The following THEM5 variants were observed in gnomAD, a reference collection of about 807,000 sequenced individuals.
The protein encoded by THEM5 is thioesterase superfamily member 5.
In THEM5, 28 loss-of-function variants were observed where a neutral mutation model predicts 24.2. That is an observed-to-expected ratio of 1.16 (90% CI 0.86 to 1.59). THEM5 has a LOEUF of 1.59. Ranked by LOEUF, THEM5 falls within the 40% of genes most tolerant of loss-of-function variation. THEM5 has a pLI of 0.00. For missense variants in THEM5, 260 were observed against 296.8 expected, an observed-to-expected ratio of 0.88 and a Z score of 0.91; for synonymous variants, 87 against 114.5, an observed-to-expected ratio of 0.76 and a Z score of 1.53.
chr1:151,847,686 G>A, intron 5 of THEM5, 52 bp downstream of exon 5: 1 of 1,601,754 alleles, frequency 6.2e-7, no homozygotes, highest in Non-Finnish European at 8.5e-7. Context: ...GTTTGTTCTG[G>A]GGGTGGGTGG....
rs1330150225 is a variant in THEM5, at chr1:151,853,537, G to A, written c.29C>T (p.Ala10Val). The A allele has an allele frequency of 6.2e-7, 1 of 1,613,342 alleles. No individual in the cohort carries two copies. The highest frequency in any genetic ancestry group is 8.5e-7 in the Non-Finnish European group (1 of 1,179,590). MIRRCFQVA[A>V]RLGHHRGLLE... ...AAGGCCTCTGTGGTGGCCAAGTCTTGCTGCCACCTGGAAGCATCTCCTTAT... is the reference window on the plus strand; with the variant it reads ...AAGGCCTCTGTGGTGGCCAAGTCTTACTGCCACCTGGAAGCATCTCCTTAT... Residue 10 changes from alanine to valine, a missense_variant, in exon 1 of 6, where the codon GCA (alanine) becomes GTA (valine). Coordinates refer to ENST00000368817, the MANE Select transcript of THEM5 (RefSeq NM_182578.4).
chr1:151,849,732 C>T (rs1262552866), intron 3 of THEM5, among the ~76,000 whole-genome samples: 3 of 152,208 alleles, frequency 2.0e-5, no homozygotes, highest in African/African-American at 7.2e-5. Context: ...CCAACTCTCT[C>T]CTCCTTGTCC....
At chr1:151,848,365 C>G in intron 3 of THEM5, 73 bp from the exon 4 acceptor site, 1 of 1,197,426 alleles carries the variant, frequency 8.4e-7, no homozygotes, top group Non-Finnish European at 1.2e-6. Flanking sequence ...TGGGCCTTCC[C>G]TCCCTCCTGT....
At chr1:151,852,145 G>T (rs568309103) in intron 2 of THEM5, 113 bp downstream of exon 2, 92 of 1,056,158 alleles carry the variant, frequency 8.7e-5, no homozygotes, top group Admixed American at 2.2e-4. Context: ...GGGTGGAGTT[G>T]GACAGCAGGA....
At chr1:151,850,458 C>T (rs1469666227) in intron 3 of THEM5, 1 of 152,750 alleles carries the variant, frequency 6.5e-6, no homozygotes, top group South Asian at 2.1e-4. Flanking sequence ...AGATTAGAGT[C>T]CTGGATCTGA....
At chr1:151,848,942 G>C (rs1347039999) in intron 3 of THEM5, among the ~76,000 whole-genome samples, 1 of 152,262 alleles carries the variant, frequency 6.6e-6, no homozygotes, top group African/African-American at 2.4e-5. Context: ...AGAATGGCCA[G>C]TCGCAGTGGC....
At chr1:151,852,138 T>G (rs1572062891) in intron 2 of THEM5, 120 bp downstream of exon 2, 2 of 946,338 alleles carry the variant, frequency 2.1e-6, no homozygotes, top group Admixed American at 2.0e-5. Context: ...GCATCAGGGG[T>G]GGAGTTGGAC....
intron 3 of THEM5, chr1:151,850,325 G>C (rs569666449): frequency 1.3e-5 from 2 of 152,280 alleles, no homozygotes. Flanking sequence ...GGTGACCCAC[G>C]GTCAGCCTGA....
At chr1:151,853,345 C>G in intron 1 of THEM5, 98 bp downstream of exon 1, 2 of 1,450,314 alleles carry the variant, frequency 1.4e-6, no homozygotes, top group East Asian at 4.9e-5. Flanking sequence ...CACTGCCCAC[C>G]TGCCCTGGCC....
rs779178086 is a variant in THEM5 at position 151,853,486 on chromosome 1, C to G, written c.80G>C (p.Arg27Thr). 6 of 1,613,902 alleles carry G rather than the reference C, an allele frequency of 3.7e-6. No individual in the cohort carries two copies. Among genetic ancestry groups the G allele is most frequent in the Non-Finnish European group, 5.1e-6 (6 of 1,179,952 alleles). ...GLLEAPRILP[R>T]LNPASAFGSS... ...TCCAAATGCTGAGGCAGGGTTGAGT[C>G]TGGGCAGGATACGGGGGGCCTCAAG... is the stretch of plus-strand genomic sequence containing the variant. The change falls in exon 1 of 6, where the codon AGA becomes ACA. Residue 27 changes from arginine to threonine, a missense_variant. By Grantham distance (71) the Arg-to-Thr change is moderately conservative. Coordinates refer to ENST00000368817, the MANE Select transcript of THEM5 (RefSeq NM_182578.4).
At position 151,852,296 on chromosome 1, in the gene THEM5, C is replaced by T. The variant is rs752438289; in HGVS notation, c.287G>A (p.Arg96Gln). The T allele has an allele frequency of 1.5e-5, 24 of 1,613,818 alleles. No individual in the cohort carries two copies. The highest frequency in any genetic ancestry group is 4.0e-5 in the African/African-American group (3 of 74,860). The change falls in exon 2 of 6, where the codon CGG (arginine) becomes CAG (glutamine). Residue 96 changes from arginine to glutamine, a missense_variant. Coordinates refer to ENST00000368817, the MANE Select transcript of THEM5 (RefSeq NM_182578.4). Reference sequence around the variant, plus strand: ...CAGTCCAGATGGGAGCTTGAGTCCCCGGATGTGGTCTCTGTTGGACTTGAA... The same window carrying T: ...CAGTCCAGATGGGAGCTTGAGTCCCTGGATGTGGTCTCTGTTGGACTTGAA... ...PSFKSNRDHIRGLKLPSGLAV... is the reference protein window; with the variant it reads ...PSFKSNRDHIQGLKLPSGLAV...
intron 3 of THEM5, among the ~76,000 whole-genome samples, chr1:151,848,903 C>T (rs911700875): frequency 2.0e-5 from 3 of 152,198 alleles, no homozygotes; most frequent in African/African-American, 4.8e-5. Context: ...GCTCAAATGC[C>T]GCAGACATTT....
rs546342789 is a variant in THEM5, at chr1:151,853,332, G to A, written c.123+111C>T. On this transcript the variant is annotated intron_variant, in intron 1 of 5. Coordinates refer to ENST00000368817, the MANE Select transcript of THEM5 (RefSeq NM_182578.4). ...CTTTGCCAAATCAAATAGCTCCTCC[G>A]AACACTGCCCACCTGCCCTGGCCAT... 42 of 1,394,932 alleles carry A rather than the reference G, an allele frequency of 3.0e-5. No individual in the cohort carries two copies. The East Asian group carries it at 3.8e-4, about 13-fold the overall frequency. The allele number at this position is 1,394,932 out of a possible 1,614,324, so 86.4% of individuals were successfully genotyped here.
At chr1:151,851,027 A>G in intron 3 of THEM5, 26 bp downstream of exon 3, 1 of 1,613,584 alleles carries the variant, frequency 6.2e-7, no homozygotes, top group Admixed American at 1.7e-5. Context: ...CCCAGGAGGC[A>G]GCCAAGGTCC....
intron 3 of THEM5, among the ~76,000 whole-genome samples, chr1:151,849,783 C>A (rs911373075): frequency 2.0e-5 from 3 of 152,198 alleles, no homozygotes; most frequent in African/African-American, 7.2e-5. Flanking sequence ...GTATGTGGAT[C>A]TACAGAGTAG....
chr1:151,848,957 G>T (rs1217266039), intron 3 of THEM5, among the ~76,000 whole-genome samples: 1 of 152,190 alleles, frequency 6.6e-6, no homozygotes, highest in Admixed American at 6.5e-5. Context: ...AGTGGCTCAC[G>T]CCTGTAATCC....
At chr1:151,850,267 T>C (rs533260654) in intron 3 of THEM5, 1 of 152,290 alleles carries the variant, frequency 6.6e-6, no homozygotes, top group Non-Finnish European at 1.5e-5. Flanking sequence ...TCAGTGACTG[T>C]CTGGAGCAGG....
At position 151,848,251 on chromosome 1, in the gene THEM5, G is replaced by T. The variant is rs745686412; in HGVS notation, c.506C>A (p.Thr169Asn). The T allele has an allele frequency of 6.2e-7, 1 of 1,614,188 alleles. No individual in the cohort carries two copies. Among genetic ancestry groups the T allele is most frequent in the Admixed American group, 1.7e-5 (1 of 60,032 alleles). Residue 169 changes from threonine (T) to asparagine (N), a missense_variant, in exon 4 of 6, where the codon ACC becomes AAC. Transcript: ENST00000368817. ...GGSLAAMMDE[T>N]FSKTAFLAGE... Reference sequence around the variant, plus strand: ...AGCCAGGAAGGCAGTTTTAGAAAAGGTCTCGTCCATCATGGCTGCCAGGGA... The same window carrying T: ...AGCCAGGAAGGCAGTTTTAGAAAAGTTCTCGTCCATCATGGCTGCCAGGGA...
In THEM5 at chr1:151,848,166, A is replaced by T; in HGVS notation, c.575+16T>A. The T allele has an allele frequency of 6.2e-7, 1 of 1,610,520 alleles. No homozygotes were observed. The highest frequency in any genetic ancestry group is 1.1e-5 in the South Asian group (1 of 91,026). On this transcript the variant is annotated intron_variant, in intron 4 of 5. Transcript: ENST00000368817. ...GGTCTGTGACTTTGGCCAATGCCCC[A>T]GGGGCCCATACTTACTTTTTGAACC...
Sources: allele counts gnomAD v4.1 joint callset (sites outside exome capture counted in the v4.1 genomes callset), GRCh38; gene constraint gnomAD v4.1.1; transcripts MANE v1.5; gene names NCBI Gene and HGNC (gene_info 2026-07-23, HGNC 2026-07-21).